The following OR6Y1 variants were observed in gnomAD, a reference collection of about 807,000 sequenced individuals.
OR6Y1 encodes olfactory receptor family 6 subfamily Y member 1.
OR6Y1 carries 1 observed loss-of-function variant against 0.4 expected under a neutral mutation model. That is an observed-to-expected ratio of 2.74 (90% CI 0.97 to 13.02). The LOEUF is 13.02. Among genes scored for constraint, OR6Y1 ranks in the 30% most tolerant of loss-of-function variants. OR6Y1 has a pLI of 0.12. For missense variants in OR6Y1, 480 were observed against 399.8 expected (o/e 1.20, Z -1.71); for synonymous variants, 173 against 141.1 (o/e 1.23, Z -1.60).
rs1647510773 is a variant in OR6Y1 at position 158,545,725 on chromosome 1, G to A, written c.*1403C>T. On this transcript the variant is annotated 3_prime_UTR_variant, in exon 2 of 2. Transcript: ENST00000641622. ...GTCAGTTGTATGGTTTGCCAAAAATGTTTTCATTCTGTAGGTTGTTTGTTC... is the reference window on the plus strand; with the variant it reads ...GTCAGTTGTATGGTTTGCCAAAAATATTTTCATTCTGTAGGTTGTTTGTTC... 6.6e-6 allele frequency: 1 copy of A among 151,922 alleles called. No individual in the cohort carries two copies. The highest frequency in any genetic ancestry group is 2.4e-5 in the African/African-American group (1 of 41,396). 9.4% of individuals were successfully genotyped at this position (151,922 alleles called of 1,614,324 possible).
Position 158,547,625 on chromosome 1 carries a change from C to T in OR6Y1, c.481G>A (p.Ala161Thr), listed in dbSNP as rs149812123. ...GGCWFCGLMT[A>T]MIKMVFIAQL... is the part of the protein sequence containing the mutation. ...GCTATAAAAACCATCTTAATCATGGCAGTCATGAGTCCACAGAACCAGCAT... is the reference window on the plus strand; with the variant it reads ...GCTATAAAAACCATCTTAATCATGGTAGTCATGAGTCCACAGAACCAGCAT... The change falls in exon 2 of 2, where the codon GCC (alanine) becomes ACC (threonine). Residue 161 changes from alanine to threonine, a missense_variant. By Grantham distance (58) the Ala-to-Thr change is moderately conservative. Transcript: ENST00000641622. 1.9e-6 allele frequency: 3 copies of T among 1,613,286 alleles called. No individual in the cohort carries two copies. The Admixed American group carries it at 5.0e-5, about 27-fold the overall frequency.
chr1:158,550,366 T>C (rs1473869542), intron 1 of OR6Y1, among the ~76,000 whole-genome samples: 1 of 151,454 alleles, frequency 6.6e-6, no homozygotes, highest in Non-Finnish European at 1.5e-5. Flanking sequence ...CTTCTTCTAA[T>C]TCCAGCAGAG....
chr1:158,551,958 A>C (rs1165230574), intron 1 of OR6Y1, among the ~76,000 whole-genome samples: 1 of 152,096 alleles, frequency 6.6e-6, no homozygotes, highest in East Asian at 1.9e-4. Flanking sequence ...GTATCTATAA[A>C]ACTAGCCATA....
intron 1 of OR6Y1, among the ~76,000 whole-genome samples, chr1:158,551,095 G>C (rs1434049828): frequency 2.7e-5 from 4 of 149,564 alleles, no homozygotes; most frequent in African/African-American, 7.5e-5. Context: ...TGAGTATGTA[G>C]AGGATGATCT....
chr1:158,552,240 G>GTATATATATATATATATATATATATA (rs143313955), intron 1 of OR6Y1, among the ~76,000 whole-genome samples: 4 of 139,286 alleles, frequency 2.9e-5, no homozygotes, highest in African/African-American at 1.1e-4. Flanking sequence ...ATATATATAT[G>GTATATATATATATATATATATATATA]TATATATATA....
At position 158,547,001 on chromosome 1, in the gene OR6Y1, GCACA is replaced by G; in HGVS notation, c.*123_*126del. ...ATTGTGTATACACACACACACACAT[GCACA>G]CACACACAGAGGAGAGCAGTGTTAC... is the stretch of plus-strand genomic sequence containing the variant. On this transcript the variant is annotated 3_prime_UTR_variant, in exon 2 of 2. Coordinates refer to ENST00000641622, the MANE Select transcript of OR6Y1 (RefSeq NM_001005189.2). The G allele has an allele frequency of 1.2e-6, 1 of 825,352 alleles. No homozygotes were observed. Among genetic ancestry groups the G allele is most frequent in the Non-Finnish European group, 1.9e-6 (1 of 533,312 alleles). The allele number at this position is 825,352 out of a possible 1,614,324, so 51.1% of individuals were successfully genotyped here.
At position 158,548,451 on chromosome 1, in the gene OR6Y1, A is replaced by C. The variant is rs983715140; in HGVS notation, c.-346T>G. ...TCCAGACCACCCTTTCACTACAGGC[A>C]AAACATCCCCATCTGCTGAATATGG... On this transcript the variant is annotated 5_prime_UTR_variant, in exon 2 of 2. Transcript: ENST00000641622. The C allele has an allele frequency of 8.0e-5, 15 of 186,482 alleles. No individual in the cohort carries two copies. Among genetic ancestry groups the C allele is most frequent in the Admixed American group, 7.0e-4 (13 of 18,496 alleles). 11.6% of individuals were successfully genotyped at this position (186,482 alleles called of 1,614,324 possible).
chr1:158,551,129 T>C (rs1343567487), intron 1 of OR6Y1, among the ~76,000 whole-genome samples: 1 of 151,732 alleles, frequency 6.6e-6, no homozygotes, highest in Non-Finnish European at 1.5e-5. Context: ...GGCTTTTTTT[T>C]TTTCTTCTGA....
Position 158,545,744 on chromosome 1 carries a change from T to C in OR6Y1, c.*1384A>G, listed in dbSNP as rs77916815. On this transcript the variant is annotated 3_prime_UTR_variant, in exon 2 of 2. Coordinates refer to ENST00000641622, the MANE Select transcript of OR6Y1 (RefSeq NM_001005189.2). ...AAAAATGTTTTCATTCTGTAGGTTGTTTGTTCACTCTGTTGATAATTTCTT... is the reference window on the plus strand; with the variant it reads ...AAAAATGTTTTCATTCTGTAGGTTGCTTGTTCACTCTGTTGATAATTTCTT... 6.6e-6 allele frequency: 1 copy of C among 152,176 alleles called. No homozygotes were observed. The highest frequency in any genetic ancestry group is 1.5e-5 in the Non-Finnish European group (1 of 68,026). The allele number at this position is 152,176 out of a possible 1,614,324, so 9.4% of individuals were successfully genotyped here.
chr1:158,554,216 A>T (rs973867298), intron 1 of OR6Y1, 50 bp downstream of exon 1: 2 of 152,240 alleles, frequency 1.3e-5, no homozygotes, highest in Non-Finnish European at 2.9e-5. Flanking sequence ...TAATTAAAAG[A>T]TGGCTAAATT....
chr1:158,545,328 T>TG lies in OR6Y1; in HGVS notation c.*1799dup, dbSNP rs1216241189. 3 of 59,700 alleles carry TG rather than the reference T, an allele frequency of 5.0e-5. No homozygotes were observed. Among genetic ancestry groups the TG allele is most frequent in the African/African-American group, 2.1e-4 (3 of 14,182 alleles). 3.7% of individuals were successfully genotyped at this position (59,700 alleles called of 1,614,324 possible). On this transcript the variant is annotated 3_prime_UTR_variant, in exon 2 of 2. Transcript: ENST00000641622. ...GAACATCACACTCCGGGGAATGTTGTGGGTGGGGGGAGGGGGGAGGGATAG... is the reference window on the plus strand; with the variant it reads ...GAACATCACACTCCGGGGAATGTTGTGGGGTGGGGGGAGGGGGGAGGGATAG...
rs1017553854 is a variant in OR6Y1 at position 158,545,203 on chromosome 1, T to A, written c.*1925A>T. 3.3e-5 allele frequency: 5 copies of A among 151,526 alleles called. No individual in the cohort carries two copies. The highest frequency in any genetic ancestry group is 1.2e-4 in the African/African-American group (5 of 41,306). 9.4% of individuals were successfully genotyped at this position (151,526 alleles called of 1,614,324 possible). A position where few individuals can be genotyped will look rare whatever the true frequency, so the allele number is the denominator to read the frequency against. On this transcript the variant is annotated 3_prime_UTR_variant, in exon 2 of 2. Transcript: ENST00000641622. The stretch of plus-strand genomic sequence containing the variant: ...CCACAACCTCACCAGCATCTGTTAT[T>A]TTTTTACATTTTAGTAATAGCCATT...
Position 158,548,704 on chromosome 1 carries a change from T to C in OR6Y1, c.-599A>G, listed in dbSNP as rs571450936. Reference sequence around the variant, plus strand: ...TTTTCAGAGAACAAAATTGAATGGATAACATGAAGGGTAATAGTTTCTTCA... The same window carrying C: ...TTTTCAGAGAACAAAATTGAATGGACAACATGAAGGGTAATAGTTTCTTCA... On this transcript the variant is annotated 5_prime_UTR_variant, in exon 2 of 2. Transcript: ENST00000641622. The C allele has an allele frequency of 2.0e-5, 3 of 152,494 alleles. No homozygotes were observed. The highest frequency in any genetic ancestry group is 2.0e-4 in the Admixed American group (3 of 15,330). The allele number at this position is 152,494 out of a possible 1,614,324, so 9.4% of individuals were successfully genotyped here.
Position 158,548,664 on chromosome 1 carries a change from C to T in OR6Y1, c.-559G>A, listed in dbSNP as rs1250495308. The T allele has an allele frequency of 1.3e-5, 2 of 152,330 alleles. No homozygotes were observed. The highest frequency in any genetic ancestry group is 4.9e-5 in the African/African-American group (2 of 41,044). The allele number at this position is 152,330 out of a possible 1,614,324, so 9.4% of individuals were successfully genotyped here. A position where few individuals can be genotyped will look rare whatever the true frequency, so the allele number is the denominator to read the frequency against. ...ATTAACAGCAAAATCAGGTTTGATG[C>T]AATTATTCACCAGCTTTTCAGAGAA... On this transcript the variant is annotated 5_prime_UTR_variant, in exon 2 of 2. Transcript: ENST00000641622.
chr1:158,550,108 A>G (rs1317176713), intron 1 of OR6Y1, among the ~76,000 whole-genome samples: 1 of 151,650 alleles, frequency 6.6e-6, no homozygotes, highest in Non-Finnish European at 1.5e-5. Context: ...AAGACATTAT[A>G]CCCTAATGTC....
In OR6Y1 at chr1:158,547,514, A is replaced by T; in HGVS notation, c.592T>A (p.Ser198Thr). The part of the protein sequence containing the change: ...PLLNVSCEDA[S>T]QAEMVDFFLA... The stretch of plus-strand genomic sequence containing the variant: ...AAGAAGTCCACCATCTCAGCCTGTG[A>T]GGCATCCTCACAGGAGACGTTAAGG... Residue 198 changes from serine (S) to threonine (T), a missense_variant, in exon 2 of 2, where the codon TCA becomes ACA. Ser to Thr is a moderately conservative substitution (Grantham distance 58). Coordinates refer to ENST00000641622, the MANE Select transcript of OR6Y1 (RefSeq NM_001005189.2). 1 of 1,613,484 alleles carries T rather than the reference A, an allele frequency of 6.2e-7. No individual in the cohort carries two copies. Among genetic ancestry groups the T allele is most frequent in the South Asian group, 1.1e-5 (1 of 91,066 alleles).
rs1008996284 is a variant in OR6Y1 at position 158,547,010 on chromosome 1, C to T, written c.*118G>A. 2.1e-6 allele frequency: 2 copies of T among 965,988 alleles called. No individual in the cohort carries two copies. The highest frequency in any genetic ancestry group is 3.1e-6 in the Non-Finnish European group (2 of 650,556). 59.8% of individuals were successfully genotyped at this position (965,988 alleles called of 1,614,324 possible). ...ACACACACACACACATGCACACACA[C>T]ACAGAGGAGAGCAGTGTTACAGTAC... On this transcript the variant is annotated 3_prime_UTR_variant, in exon 2 of 2. Transcript: ENST00000641622.
rs528185495 is a variant in OR6Y1 at position 158,547,533 on chromosome 1, G to A, written c.573C>T (p.Asn191=). Residue 191 remains asparagine (N), a synonymous_variant, in exon 2 of 2, where the codon AAC becomes AAT. Transcript: ENST00000641622. ...HYFCDISPLL[N]VSCEDASQAE... ...CCTGTGAGGCATCCTCACAGGAGAC[G>A]TTAAGGAGTGGAGAGATATCACAAA... 191 of 1,613,398 alleles carry A rather than the reference G, an allele frequency of 1.2e-4. 2 individuals carry two copies. The South Asian group carries it at 1.7e-3, about 14-fold the overall frequency.
rs1463489870 is a variant in OR6Y1, at chr1:158,547,581, G to A, written c.525C>T (p.Gly175=). 1.2e-6 allele frequency: 2 copies of A among 1,613,266 alleles called. No homozygotes were observed. Among genetic ancestry groups the A allele is most frequent in the Non-Finnish European group, 8.5e-7 (1 of 1,179,896 alleles). The change falls in exon 2 of 2, where the codon GGC becomes GGT. Residue 175 remains glycine, a synonymous_variant. Transcript: ENST00000641622. ...AAAAGTAGTGATTGATCTGAGGCAT[G>A]CCACAGTAGTGAAGTTGTGCTATAA... ...MVFIAQLHYC[G]MPQINHYFCD...
Sources: allele counts gnomAD v4.1 joint callset (sites outside exome capture counted in the v4.1 genomes callset), GRCh38; gene constraint gnomAD v4.1.1; transcripts MANE v1.5; gene names NCBI Gene and HGNC (gene_info 2026-07-23, HGNC 2026-07-21).